The following OPCML variants were observed in gnomAD, a reference collection of about 807,000 sequenced individuals.
OPCML encodes the protein opioid-binding protein/cell adhesion molecule.
In OPCML, 13 loss-of-function variants were observed where a neutral mutation model predicts 37.8. The ratio of observed to expected loss-of-function variants is 0.34; its 90% CI spans 0.22 to 0.55. OPCML has a LOEUF of 0.55. OPCML is among the 20% of genes least tolerant of loss of function. OPCML has a pLI of 0.91. For missense variants in OPCML, 341 were observed against 435.6 expected (o/e 0.78, Z 1.93); for synonymous variants, 176 against 168.8 (o/e 1.04, Z -0.33).
intron 2 of OPCML, among the ~76,000 whole-genome samples, chr11:132,670,301 C>T (rs1243361564): frequency 6.6e-6 from 1 of 152,152 alleles, no homozygotes; most frequent in African/African-American, 2.4e-5. Context: ...GGAGCAAAGA[C>T]TTCGGCAGTG....
chr11:132,468,590 A>G (rs1246863662), intron 4 of OPCML, among the ~76,000 whole-genome samples: 7 of 152,226 alleles, frequency 4.6e-5, no homozygotes, highest in Non-Finnish European at 1.5e-5. Context: ...TTTTAAAAAA[A>G]TTGATTCTTT....
At chr11:133,437,248 G>A (rs1219431344) in intron 1 of OPCML, among the ~76,000 whole-genome samples, 2 of 152,156 alleles carry the variant, frequency 1.3e-5, no homozygotes, top group Non-Finnish European at 2.9e-5. Context: ...CAGAAGGGTG[G>A]AGCTTGTTCT....
intron 1 of OPCML, among the ~76,000 whole-genome samples, chr11:133,083,504 A>G (rs931507688): frequency 3.3e-5 from 5 of 152,200 alleles, no homozygotes; most frequent in Admixed American, 3.3e-4. Flanking sequence ...GGCTCGGCCC[A>G]TGCATCCAGC....
At chr11:133,267,079 A>AG (rs1565538595) in intron 1 of OPCML, among the ~76,000 whole-genome samples, 1 of 152,208 alleles carries the variant, frequency 6.6e-6, no homozygotes, top group Non-Finnish European at 1.5e-5. Context: ...GTTTCCCTAG[A>AG]GAGGCTGTTT....
chr11:132,958,082 A>G (rs542909779), intron 1 of OPCML, among the ~76,000 whole-genome samples: 11 of 152,372 alleles, frequency 7.2e-5, no homozygotes, highest in African/African-American at 2.4e-4. Flanking sequence ...CTCTTGCACC[A>G]AAGAGTTAGT....
chr11:133,073,508 C>A (rs1409300231), intron 1 of OPCML, among the ~76,000 whole-genome samples: 1 of 152,186 alleles, frequency 6.6e-6, no homozygotes, highest in Admixed American at 6.5e-5. Context: ...TAATGAGCTG[C>A]CCCAAAGCTG....
chr11:133,461,639 A>G (rs1946860925), intron 1 of OPCML, among the ~76,000 whole-genome samples: 1 of 151,874 alleles, frequency 6.6e-6, no homozygotes, highest in South Asian at 2.1e-4. Flanking sequence ...AAAAATTTTA[A>G]GAAAATAGAA....
intron 2 of OPCML, among the ~76,000 whole-genome samples, chr11:132,929,160 AAT>A (rs1244637379): frequency 6.6e-6 from 1 of 151,904 alleles, no homozygotes. Flanking sequence ...TCAACAAAAT[AAT>A]GAGTTTTTTC....
chr11:133,041,814 T>C (rs1303101620), intron 1 of OPCML, among the ~76,000 whole-genome samples: 2 of 152,098 alleles, frequency 1.3e-5, no homozygotes, highest in Non-Finnish European at 2.9e-5. Context: ...CATCACTCTA[T>C]ATAGGTCTTC....
rs566963111 is a variant in OPCML at position 132,536,906 on chromosome 11, G to A, written c.380-7720C>T. On this transcript the variant is annotated intron_variant, in intron 3 of 7. Transcript: ENST00000524381. ...TCTAATCATTTAATGTATCTGGCTAGAGCTGTATGTGCACTTGTGTGCTCA... is the reference window on the plus strand; with the variant it reads ...TCTAATCATTTAATGTATCTGGCTAAAGCTGTATGTGCACTTGTGTGCTCA... Among the ~76,000 whole-genome samples, 5 of 152,300 alleles carry A rather than the reference G, an allele frequency of 3.3e-5. No homozygotes were observed. The East Asian group carries it at 9.7e-4, about 29-fold the overall frequency.
At chr11:132,647,231 A>C (rs942027578) in intron 3 of OPCML, among the ~76,000 whole-genome samples, 2 of 152,252 alleles carry the variant, frequency 1.3e-5, no homozygotes, top group Admixed American at 1.3e-4. Flanking sequence ...CCTTGTACTT[A>C]TCAGCAGGGC....
intron 1 of OPCML, among the ~76,000 whole-genome samples, chr11:132,957,934 A>G (rs1046431963): frequency 1.3e-5 from 2 of 152,194 alleles, no homozygotes; most frequent in Admixed American, 1.3e-4. Context: ...AATTAGGCCA[A>G]TTAATAACCC....
chr11:132,628,575 A>G (rs1427448087), intron 3 of OPCML, among the ~76,000 whole-genome samples: 1 of 152,100 alleles, frequency 6.6e-6, no homozygotes, highest in Non-Finnish European at 1.5e-5. Context: ...CACAGCTTCA[A>G]TCATCTCCTT....
At chr11:133,154,641 A>G (rs1352400709) in intron 1 of OPCML, among the ~76,000 whole-genome samples, 1 of 152,196 alleles carries the variant, frequency 6.6e-6, no homozygotes, top group African/African-American at 2.4e-5. Context: ...ACCACTTATT[A>G]GGAAAACAAT....
chr11:132,836,184 C>T (rs1306883204), intron 2 of OPCML, among the ~76,000 whole-genome samples: 3 of 152,144 alleles, frequency 2.0e-5, no homozygotes, highest in African/African-American at 7.2e-5. Context: ...GGATTAGACA[C>T]CTGTATCCAT....
intron 2 of OPCML, among the ~76,000 whole-genome samples, chr11:132,915,067 T>G (rs1306907846): frequency 1.3e-5 from 2 of 152,220 alleles, no homozygotes; most frequent in African/African-American, 4.8e-5. Flanking sequence ...AGTTTAAAAT[T>G]ACATTAACTC....
chr11:132,905,621 C>T (rs1299965875), intron 2 of OPCML, among the ~76,000 whole-genome samples: 11 of 152,070 alleles, frequency 7.2e-5, no homozygotes, highest in Admixed American at 2.0e-4. Context: ...ATACATGGGA[C>T]ATATTGACCT....
In OPCML at chr11:132,554,870, T is replaced by TG. The variant is rs1304531109; in HGVS notation, c.380-25685_380-25684insC. ...CCATGGGAATGGGGTAAAGTTTTTTTTTTTTTTTTTTTTTTTTTTTTCATT... is the reference window on the plus strand; with the variant it reads ...CCATGGGAATGGGGTAAAGTTTTTTTGTTTTTTTTTTTTTTTTTTTTTCATT... On this transcript the variant is annotated intron_variant, in intron 3 of 7. Transcript: ENST00000524381. 7.4e-4 allele frequency among the ~76,000 whole-genome samples: 84 copies of TG among 113,798 alleles called. 1 individual carries two copies. Among genetic ancestry groups the TG allele is most frequent in the Non-Finnish European group, 1.2e-3 (75 of 60,026 alleles). The allele number at this position is 113,798 out of a possible 152,430, so 74.7% of individuals were successfully genotyped here.
At chr11:133,413,514 CA>C (rs1208410184) in intron 1 of OPCML, among the ~76,000 whole-genome samples, 3 of 150,640 alleles carry the variant, frequency 2.0e-5, no homozygotes, top group Admixed American at 6.9e-5. Flanking sequence ...TATATAAAAA[CA>C]AACAAAAAAA....
Sources: allele counts gnomAD v4.1 joint callset (sites outside exome capture counted in the v4.1 genomes callset), GRCh38; gene constraint gnomAD v4.1.1; transcripts MANE v1.5; gene names NCBI Gene and HGNC (gene_info 2026-07-23, HGNC 2026-07-21).